Variants in GCA observed in about 807,000 individuals in gnomAD.
GCA encodes grancalcin.
In GCA, 30 loss-of-function variants were observed where a neutral mutation model predicts 32.6. The observed-to-expected ratio is 0.92, with a 90% CI of 0.69 to 1.25. The LOEUF (loss-of-function observed/expected upper bound fraction) is 1.25. GCA is among the 50% of genes most tolerant of loss of function. The pLI is 0.00. For synonymous variants in GCA, 102 were observed against 84.6 expected (o/e 1.21, Z -1.13); for missense variants, 291 against 266.8 (o/e 1.09, Z -0.63).
chr2:162,321,593 A>AC (rs1683665610), intron 1 of GCA, among the ~76,000 whole-genome samples: 1 of 152,066 alleles, frequency 6.6e-6, no homozygotes, highest in Non-Finnish European at 1.5e-5. Context: ...GGGTATGGTT[A>AC]AGCACAGAGA....
intron 5 of GCA, 88 bp downstream of exon 5, chr2:162,356,993 T>C: frequency 1.1e-6 from 1 of 905,148 alleles, no homozygotes; most frequent in African/African-American, 1.7e-5. Flanking sequence ...TACTAACTAA[T>C]AAAGGGATGT....
intron 1 of GCA, among the ~76,000 whole-genome samples, chr2:162,327,387 CAG>C (rs1683923412): frequency 6.6e-6 from 1 of 151,972 alleles, no homozygotes; most frequent in Non-Finnish European, 1.5e-5. Context: ...TGGTAAAAAA[CAG>C]AAAAAACAGT....
At chr2:162,345,546 G>T (rs1684657532) in intron 1 of GCA, among the ~76,000 whole-genome samples, 1 of 152,140 alleles carries the variant, frequency 6.6e-6, no homozygotes, top group African/African-American at 2.4e-5. Context: ...ACCCACTTTT[G>T]TCAGAGTGCT....
intron 6 of GCA, 140 bp from the exon 7 acceptor site, chr2:162,359,354 C>T: frequency 1.7e-6 from 1 of 587,888 alleles, no homozygotes; most frequent in East Asian, 3.0e-5. Flanking sequence ...AAGTTTTTCT[C>T]ATATCTCTGT....
chr2:162,324,098 T>G (rs1244093665), intron 1 of GCA, among the ~76,000 whole-genome samples: 1 of 152,010 alleles, frequency 6.6e-6, no homozygotes, highest in African/African-American at 2.4e-5. Context: ...CACGGCAGTG[T>G]CTAGGGGTGG....
chr2:162,344,759 C>T (rs1246529324), intron 1 of GCA, among the ~76,000 whole-genome samples: 1 of 152,134 alleles, frequency 6.6e-6, no homozygotes, highest in Non-Finnish European at 1.5e-5. Context: ...CTAGACTCCC[C>T]CGCTCGCCCC....
chr2:162,359,432 C>T (rs1685460078), intron 6 of GCA, 62 bp from the exon 7 acceptor site: 1 of 720,088 alleles, frequency 1.4e-6, no homozygotes, highest in Non-Finnish European at 2.4e-6. Flanking sequence ...TACCTGGGTG[C>T]ACTAAATATT....
chr2:162,366,689 T>C (rs1240557274), downstream of GCA, among the ~76,000 whole-genome samples: 7 of 151,906 alleles, frequency 4.6e-5, no homozygotes, highest in Non-Finnish European at 7.4e-5. Context: ...GAAAAAACTT[T>C]GGGAACATTT....
At chr2:162,345,044 G>C (rs576843479) in intron 1 of GCA, among the ~76,000 whole-genome samples, 139 of 139,970 alleles carry the variant, frequency 9.9e-4, no homozygotes, top group African/African-American at 3.5e-3. Flanking sequence ...ACTTGACTTT[G>C]GGCTATGGTT....
chr2:162,323,841 G>A (rs977342878), intron 1 of GCA, among the ~76,000 whole-genome samples: 11 of 151,822 alleles, frequency 7.2e-5, no homozygotes, highest in Non-Finnish European at 1.2e-4. Flanking sequence ...GTCAGGTAGG[G>A]TGATGCCTCC....
At chr2:162,374,009 C>T (rs1260057716), downstream of GCA, among the ~76,000 whole-genome samples, 1 of 152,120 alleles carries the variant, frequency 6.6e-6, no homozygotes, top group African/African-American at 2.4e-5. Context: ...TTAGGTTTTA[C>T]TCAGTTTCTT....
intron 4 of GCA, among the ~76,000 whole-genome samples, chr2:162,368,303 T>G (rs1685820165): frequency 6.6e-6 from 1 of 151,944 alleles, no homozygotes; most frequent in Non-Finnish European, 1.5e-5. Context: ...ACATAAAAAT[T>G]TTGATTTTCA....
chr2:162,329,421 G>T (rs1401387798), intron 1 of GCA, among the ~76,000 whole-genome samples: 4 of 151,980 alleles, frequency 2.6e-5, no homozygotes. Flanking sequence ...GTTAAACTAA[G>T]ATTTTAAAAT....
At chr2:162,368,342 A>G (rs1352369025) in intron 4 of GCA, among the ~76,000 whole-genome samples, 1 of 151,968 alleles carries the variant, frequency 6.6e-6, no homozygotes, top group Non-Finnish European at 1.5e-5. Flanking sequence ...ATATTTATCT[A>G]TTTTTGGTTT....
intron 5 of GCA, 123 bp downstream of exon 5, chr2:162,357,028 G>T: frequency 1.6e-6 from 1 of 626,522 alleles, no homozygotes; most frequent in Non-Finnish European, 2.6e-6. Context: ...AAGTTCCTTT[G>T]TTTGTTTTCA....
intron 2 of GCA, among the ~76,000 whole-genome samples, 157 bp downstream of exon 2, chr2:162,347,899 A>G (rs1467987394): frequency 2.0e-5 from 3 of 152,172 alleles, no homozygotes; most frequent in African/African-American, 7.2e-5. Flanking sequence ...GCATAGTCAT[A>G]ATTATTTCAT....
At chr2:162,369,845 G>A (rs990305681) in intron 4 of GCA, among the ~76,000 whole-genome samples, 4 of 152,130 alleles carry the variant, frequency 2.6e-5, no homozygotes, top group Non-Finnish European at 5.9e-5. Flanking sequence ...ACCATGGAAT[G>A]TTGAGTGAGG....
downstream of GCA, among the ~76,000 whole-genome samples, chr2:162,367,672 TCATCTTGGCAA>T (rs768246520): frequency 6.6e-6 from 1 of 152,034 alleles, no homozygotes; most frequent in Non-Finnish European, 1.5e-5. Flanking sequence ...TCAAAAACTT[TCATCTTGGCAA>T]CAGCTATGTT....
At chr2:162,370,153 G>A (rs1190700008) in intron 4 of GCA, among the ~76,000 whole-genome samples, 2 of 152,158 alleles carry the variant, frequency 1.3e-5, no homozygotes, top group Non-Finnish European at 2.9e-5. Context: ...AATAGTTTTA[G>A]TAACTTGAAA....
Sources: gnomAD v4.1 joint callset for allele counts (sites outside exome capture counted in the v4.1 genomes callset) on GRCh38, gnomAD v4.1.1 for gene constraint, MANE v1.5 for transcripts, NCBI Gene and HGNC (gene_info 2026-07-23, HGNC 2026-07-21) for gene names.